The following SYNE2 variants were observed in gnomAD, a reference collection of about 807,000 sequenced individuals.
SYNE2 encodes spectrin repeat containing nuclear envelope protein 2.
SYNE2 carries 431 observed loss-of-function variants against 856.3 expected under a neutral mutation model. That is an observed-to-expected ratio of 0.50 (90% confidence interval 0.47 to 0.55). SYNE2 has a LOEUF of 0.55. Ranked by LOEUF, SYNE2 falls within the 20% of genes least tolerant of loss-of-function variation. The pLI, the probability that SYNE2 is intolerant of heterozygous loss-of-function variation, is 0.00. For missense variants in SYNE2, 8,129 were observed against 8,023.2 expected (o/e 1.01, Z -0.50); for synonymous variants, 2,923 against 2,872.3 (o/e 1.02, Z -0.56).
intron 11 of SYNE2, among the ~76,000 whole-genome samples, chr14:63,971,903 A>G (rs2096482217): frequency 6.6e-6 from 1 of 152,250 alleles, no homozygotes; most frequent in Admixed American, 6.5e-5. Flanking sequence ...TAATACATTT[A>G]TAGAGTTATG....
rs2098107619 is a variant in SYNE2 at position 64,137,845 on chromosome 14, G to A, written c.14705G>A (p.Gly4902Asp). The A allele has an allele frequency of 1.9e-6, 3 of 1,614,076 alleles. No individual in the cohort carries two copies. Among genetic ancestry groups the A allele is most frequent in the Admixed American group, 1.7e-5 (1 of 60,014 alleles). The change falls in exon 79 of 116, where the codon GGC becomes GAC. Residue 4902 changes from glycine to aspartate, a missense_variant. This residue lies in a region of SYNE2 where 5,410 missense variants were observed against 5,284.8 expected (regional missense o/e 1.02). Transcript: ENST00000555002. Reference protein sequence around the residue: ...HARLYQTLNEGKQLVASVSCP... With the variant: ...HARLYQTLNEDKQLVASVSCP... Reference sequence around the variant, plus strand: ...CGGCTTTACCAAACTCTGAACGAAGGCAAACAGTTGGTGGCGTCTGTGAGC... The same window carrying A: ...CGGCTTTACCAAACTCTGAACGAAGACAAACAGTTGGTGGCGTCTGTGAGC...
intron 77 of SYNE2, among the ~76,000 whole-genome samples, chr14:64,133,427 T>G (rs2098046588): frequency 6.6e-6 from 1 of 152,136 alleles, no homozygotes; most frequent in African/African-American, 2.4e-5. Flanking sequence ...GTGGTTCTTT[T>G]CCTAACAGAC....
At position 64,223,236 on chromosome 14, in the gene SYNE2, A is replaced by G. The variant is rs1211232268; in HGVS notation, c.20238A>G (p.Leu6746=). 8.1e-6 allele frequency: 13 copies of G among 1,614,064 alleles called. No individual in the cohort carries two copies. Among genetic ancestry groups the G allele is most frequent in the Non-Finnish European group, 1.0e-5 (12 of 1,180,012 alleles). Residue 6746 remains leucine (L), a synonymous_variant, in exon 113 of 116, where the codon TTA becomes TTG. Transcript: ENST00000555002. ...AACGTCAACCTCAAGTGGACATGTT[A>G]CAGGAGATTTCAAACAGCCTTCTCA... The part of the protein sequence containing the change: ...LVERQPQVDM[L]QEISNSLLIK...
At chr14:64,070,522 C>A in intron 51 of SYNE2, 123 bp from the exon 52 acceptor site, 1 of 775,328 alleles carries the variant, frequency 1.3e-6, no homozygotes, top group Non-Finnish European at 2.0e-6. Flanking sequence ...TATAGGAAAA[C>A]AGACTAGGAT....
chr14:64,042,328 CT>C (rs1305700069), intron 45 of SYNE2, among the ~76,000 whole-genome samples: 1 of 152,168 alleles, frequency 6.6e-6, no homozygotes, highest in Non-Finnish European at 1.5e-5. Context: ...TGTGTATAGA[CT>C]TTAGAACAGT....
At chr14:63,798,581 A>T (rs191458261) in intron 1 of SYNE2, among the ~76,000 whole-genome samples, 1 of 151,798 alleles carries the variant, frequency 6.6e-6, no homozygotes. Context: ...TTTAGTAGAC[A>T]CGGGGTTTCA....
At position 64,177,445 on chromosome 14, in the gene SYNE2, C is replaced by A; in HGVS notation, c.17518C>A (p.Leu5840Ile). 6.2e-7 allele frequency: 1 copy of A among 1,614,134 alleles called. No individual in the cohort carries two copies. The highest frequency in any genetic ancestry group is 2.2e-5 in the East Asian group (1 of 44,878). The change falls in exon 96 of 116, where the codon CTT (leucine) becomes ATT (isoleucine). Residue 5840 changes from leucine (L) to isoleucine (I), a missense_variant. Leu to Ile is a conservative substitution (Grantham distance 5). Transcript: ENST00000555002. The stretch of plus-strand genomic sequence containing the variant: ...ACAAAGTGAAGATCCTCTTCCAGAG[C>A]TTCACGAGGACCTCCATAACGAAAA... ...KAQSEDPLPE[L>I]HEDLHNEKEL...
chr14:63,929,036 A>T (rs577530953), intron 2 of SYNE2, among the ~76,000 whole-genome samples: 1 of 152,102 alleles, frequency 6.6e-6, no homozygotes, highest in South Asian at 2.1e-4. Flanking sequence ...CTAATATTTG[A>T]TCTTGGCTCT....
At chr14:64,024,061 A>C (rs1240005197) in intron 38 of SYNE2, 196 bp from the exon 39 acceptor site, 1 of 546,552 alleles carries the variant, frequency 1.8e-6, no homozygotes, top group East Asian at 3.4e-5. Context: ...ACTTTGCTTG[A>C]TGTAATTCCC....
At chr14:64,159,719 A>C (rs1383153564) in intron 87 of SYNE2, among the ~76,000 whole-genome samples, 1 of 152,248 alleles carries the variant, frequency 6.6e-6, no homozygotes, top group Non-Finnish European at 1.5e-5. Flanking sequence ...CCAAATGTCA[A>C]GTTCGATCTC....
intron 2 of SYNE2, among the ~76,000 whole-genome samples, chr14:63,934,969 A>T (rs555090816): frequency 2.6e-5 from 4 of 151,808 alleles, no homozygotes; most frequent in African/African-American, 9.7e-5. Flanking sequence ...GAATCACAAA[A>T]ACTTGTTCTC....
chr14:63,995,535 A>G lies in SYNE2; in HGVS notation c.2940+333A>G, dbSNP rs147255355. ...CAGGACACAGTGTCCTCAGAAGCACAGCTTTTGAGAAAACGAGCAAATCAG... is the reference window on the plus strand; with the variant it reads ...CAGGACACAGTGTCCTCAGAAGCACGGCTTTTGAGAAAACGAGCAAATCAG... On this transcript the variant is annotated intron_variant, in intron 23 of 115. Transcript: ENST00000555002. Among the ~76,000 whole-genome samples the G allele has an allele frequency of 7.8e-3, 1,188 of 152,340 alleles. 20 individuals carry two copies. The highest frequency in any genetic ancestry group is 0.024 in the Middle Eastern group (7 of 294).
At chr14:63,995,730 CATCTATCTATCTATCTATCTATCT>C (rs373410347) in intron 23 of SYNE2, among the ~76,000 whole-genome samples, 1 of 113,454 alleles carries the variant, frequency 8.8e-6, no homozygotes, top group South Asian at 2.4e-4. Flanking sequence ...TATATCTATC[CATCTATCTATCTATCTATCTATCT>C]ATCTATCTAT....
At chr14:64,196,070 G>C (rs114983050) in intron 99 of SYNE2, among the ~76,000 whole-genome samples, 1 of 152,236 alleles carries the variant, frequency 6.6e-6, no homozygotes, top group East Asian at 1.9e-4. Context: ...CTGAGCCTCA[G>C]AGGTTCACGT....
At chr14:64,092,357 T>C (rs182399783) in intron 60 of SYNE2, among the ~76,000 whole-genome samples, 1 of 152,314 alleles carries the variant, frequency 6.6e-6, no homozygotes, top group East Asian at 1.9e-4. Flanking sequence ...AGGAAGACAG[T>C]GGTGAAGACA....
chr14:63,950,692 T>C (rs984125910), intron 7 of SYNE2, among the ~76,000 whole-genome samples: 2 of 152,194 alleles, frequency 1.3e-5, no homozygotes, highest in Non-Finnish European at 2.9e-5. Context: ...GGTCTCACTT[T>C]GTCACCCAGG....
rs114718315 is a variant in SYNE2, at chr14:63,995,065, T to C, written c.2803T>C (p.Leu935=). The C allele has an allele frequency of 7.7e-4, 1,204 of 1,560,846 alleles. 7 individuals carry two copies. In the African/African-American group the frequency reaches 0.015, roughly 19 times the overall value. ...KWESLHHELS[L]YVQQLKIDIE... Reference sequence around the variant, plus strand: ...GTAGTCTCTTCATCATGAACTGTCTTTATATGTTCAACAACTAAAAATAGA... The same window carrying C: ...GTAGTCTCTTCATCATGAACTGTCTCTATATGTTCAACAACTAAAAATAGA... Residue 935 remains leucine, a synonymous_variant, in exon 23 of 116, where the codon TTA becomes CTA. Coordinates refer to ENST00000555002, the MANE Select transcript of SYNE2 (RefSeq NM_182914.3).
intron 51 of SYNE2, among the ~76,000 whole-genome samples, chr14:64,069,566 A>G (rs2097386686): frequency 1.3e-5 from 2 of 152,210 alleles, no homozygotes; most frequent in African/African-American, 4.8e-5. Context: ...CATTGGCAGC[A>G]TTCTGATAAA....
At chr14:64,163,713 A>C (rs1279855637) in intron 89 of SYNE2, 132 bp downstream of exon 89, 1 of 946,932 alleles carries the variant, frequency 1.1e-6, no homozygotes, top group African/African-American at 1.6e-5. Flanking sequence ...GCTGCTCCCA[A>C]ATGTATACGA....
Sources: allele counts gnomAD v4.1 joint callset (sites outside exome capture counted in the v4.1 genomes callset), GRCh38; gene constraint gnomAD v4.1.1; regional missense constraint gnomAD v4.1.1; transcripts MANE v1.5; gene names NCBI Gene and HGNC (gene_info 2026-07-23, HGNC 2026-07-21).